FGD4: variants seen among roughly 807,000 people sequenced by gnomAD.
FGD4 encodes FYVE, RhoGEF and PH domain-containing protein 4.
Under a neutral mutation model 102.0 loss-of-function variants are expected in FGD4, and 42 were observed. The observed-to-expected ratio is 0.41, with a 90% confidence interval of 0.32 to 0.53. The LOEUF is 0.53. Ranked by LOEUF, FGD4 falls within the 20% of genes least tolerant of loss-of-function variation. The pLI, the probability that FGD4 is intolerant of heterozygous loss-of-function variation, is 0.21. For missense variants in FGD4, 902 were observed against 1,078.2 expected (o/e 0.84, Z 2.29); for synonymous variants, 380 against 375.7 (o/e 1.01, Z -0.13).
chr12:32,504,722 A>G (rs1938539503), intron 1 of FGD4, among the ~76,000 whole-genome samples: 1 of 152,236 alleles, frequency 6.6e-6, no homozygotes, highest in African/African-American at 2.4e-5. Flanking sequence ...GATTATGTAG[A>G]TGACAATATG....
At chr12:32,598,686 G>A (rs1948105583) in intron 5 of FGD4, 100 bp downstream of exon 5, 4 of 1,000,958 alleles carry the variant, frequency 4.0e-6, no homozygotes, top group South Asian at 2.7e-5. Context: ...GGAAGGGCCT[G>A]TTTTTGGCTA....
At chr12:32,433,838 T>G (rs1942133461) in intron 1 of FGD4, among the ~76,000 whole-genome samples, 1 of 151,812 alleles carries the variant, frequency 6.6e-6, no homozygotes, top group Admixed American at 6.6e-5. Context: ...ATAATATATT[T>G]ACTTATTTAT....
chr12:32,541,358 A>G (rs1234782541), intron 1 of FGD4, among the ~76,000 whole-genome samples: 1 of 152,150 alleles, frequency 6.6e-6, no homozygotes, highest in Non-Finnish European at 1.5e-5. Flanking sequence ...ATGTTTAGTA[A>G]AATGGGGTTT....
intron 1 of FGD4, among the ~76,000 whole-genome samples, chr12:32,497,594 G>A (rs975150853): frequency 6.6e-6 from 1 of 152,108 alleles, no homozygotes; most frequent in African/African-American, 2.4e-5. Context: ...CACAGGCACC[G>A]CTAACAATAT....
chr12:32,462,844 T>C (rs766190552), intron 1 of FGD4, among the ~76,000 whole-genome samples: 19 of 152,192 alleles, frequency 1.2e-4, no homozygotes, highest in Non-Finnish European at 2.2e-4. Context: ...CTTGTGCCAT[T>C]GCCGTAATAT....
chr12:32,415,855 A>G (rs890338866), intron 1 of FGD4, among the ~76,000 whole-genome samples: 2 of 151,922 alleles, frequency 1.3e-5, no homozygotes, highest in African/African-American at 4.8e-5. Flanking sequence ...ATTTCATCTG[A>G]TATAAGTATA....
intron 1 of FGD4, among the ~76,000 whole-genome samples, chr12:32,459,136 A>G (rs1185314356): frequency 1.3e-5 from 2 of 152,058 alleles, no homozygotes; most frequent in Admixed American, 6.6e-5. Context: ...TTGGGCCAGC[A>G]AAGATTATTA....
intron 1 of FGD4, among the ~76,000 whole-genome samples, chr12:32,524,524 T>TAAA (rs113473656): frequency 0.15 from 20,305 of 134,354 alleles, 1,643 homozygotes; most frequent in African/African-American, 0.24. Flanking sequence ...ATAATTCAAA[T>TAAA]AAAAAAAAAA....
chr12:32,610,244 A>G (rs1376603744), intron 8 of FGD4, among the ~76,000 whole-genome samples: 2 of 152,204 alleles, frequency 1.3e-5, no homozygotes, highest in Non-Finnish European at 2.9e-5. Context: ...TCATCTGCCA[A>G]ATGGAGCTAA....
intron 1 of FGD4, among the ~76,000 whole-genome samples, chr12:32,469,246 C>T (rs1943350630): frequency 6.6e-6 from 1 of 151,980 alleles, no homozygotes; most frequent in African/African-American, 2.4e-5. Context: ...TAGAAATTTT[C>T]CACAGAAATC....
chr12:32,618,965 G>A (rs977252876), intron 10 of FGD4, among the ~76,000 whole-genome samples: 6 of 152,136 alleles, frequency 3.9e-5, no homozygotes, highest in African/African-American at 1.4e-4. Flanking sequence ...AATCATAATT[G>A]CTAAATATTA....
chr12:32,640,311 CTA>C lies in FGD4; in HGVS notation c.2492_2493del (p.Tyr831CysfsTer4). 1 of 1,614,188 alleles carries C rather than the reference CTA, an allele frequency of 6.2e-7. No individual in the cohort carries two copies. Among genetic ancestry groups the C allele is most frequent in the Non-Finnish European group, 8.5e-7 (1 of 1,180,038 alleles). On this transcript the variant is annotated frameshift_variant, in exon 17 of 17. Transcript: ENST00000534526. LOFTEE classifies it high-confidence loss of function. ...RAQATIPLLG[Y>X]VVDEMPRSAD... Reference sequence around the variant, plus strand: ...CCCAGGCCACCATTCCACTTCTGGGCTATGTGGTGGATGAAATGCCAAGGAGC... The same window carrying C: ...CCCAGGCCACCATTCCACTTCTGGGCTGTGGTGGATGAAATGCCAAGGAGC...
intron 1 of FGD4, among the ~76,000 whole-genome samples, chr12:32,527,157 T>TA (rs1202552711): frequency 6.6e-6 from 1 of 152,204 alleles, no homozygotes; most frequent in African/African-American, 2.4e-5. Context: ...CTTGTGCAGA[T>TA]ATGGAGAAAT....
intron 1 of FGD4, among the ~76,000 whole-genome samples, chr12:32,543,690 A>G (rs1316533494): frequency 1.3e-5 from 2 of 152,126 alleles, no homozygotes; most frequent in Non-Finnish European, 2.9e-5. Flanking sequence ...GCAGTGGTGC[A>G]ATCTCAGCTC....
chr12:32,422,287 G>GTTTTTTTTTTTTTTT, intron 1 of FGD4, among the ~76,000 whole-genome samples: 1 of 91,678 alleles, frequency 1.1e-5, no homozygotes, highest in Non-Finnish European at 2.3e-5. Context: ...ATTGGGAGCT[G>GTTTTTTTTTTTTTTT]CTTTTTTTTT....
At chr12:32,621,685 A>G (rs1800933519) in intron 11 of FGD4, among the ~76,000 whole-genome samples, 1 of 152,230 alleles carries the variant, frequency 6.6e-6, no homozygotes. Flanking sequence ...CACAGAGAAT[A>G]TATACTGAAC....
chr12:32,406,424 G>A (rs920443286), intron 1 of FGD4, among the ~76,000 whole-genome samples: 1 of 151,686 alleles, frequency 6.6e-6, no homozygotes, highest in Non-Finnish European at 1.5e-5. Context: ...CGTGGTGGTG[G>A]GCGCCTGTAA....
chr12:32,581,593 GT>G lies in FGD4; in HGVS notation c.504-366del, dbSNP rs1411890525. 2.0e-5 allele frequency among the ~76,000 whole-genome samples: 3 copies of G among 152,220 alleles called. No homozygotes were observed. In the East Asian group the frequency reaches 5.8e-4, roughly 29 times the overall value. On this transcript the variant is annotated intron_variant, in intron 3 of 16. Transcript: ENST00000534526. ...AATGTTAGGAAGAGATGATAAATAC[GT>G]AAGTATTATATCTAACTAAGTCTTT...
chr12:32,483,514 A>T (rs925024660), intron 1 of FGD4, among the ~76,000 whole-genome samples: 1 of 152,214 alleles, frequency 6.6e-6, no homozygotes, highest in South Asian at 2.1e-4. Context: ...TTGCCCTCCA[A>T]ACTGCCAAAA....
Sources: allele counts gnomAD v4.1 joint callset (sites outside exome capture counted in the v4.1 genomes callset), GRCh38; gene constraint gnomAD v4.1.1; transcripts MANE v1.5; gene names NCBI Gene and HGNC (gene_info 2026-07-23, HGNC 2026-07-21).